Variants in PTCH2 observed in about 807,000 individuals in gnomAD.
PTCH2 encodes the protein patched 2.
Under a neutral mutation model 117.9 loss-of-function variants are expected in PTCH2, and 96 were observed. The ratio of observed to expected loss-of-function variants is 0.81; its 90% confidence interval spans 0.69 to 0.96. The LOEUF is 0.96. Ranked by LOEUF, PTCH2 falls within the 50% of genes least tolerant of loss-of-function variation. The probability of loss-of-function intolerance (pLI) is 0.00; values close to 1 mark genes in which losing one functional copy is unlikely to be tolerated. For missense variants in PTCH2, 1,379 were observed against 1,562.5 expected, an observed-to-expected ratio of 0.88 and a Z score of 1.98; for synonymous variants, 615 against 660.9, an observed-to-expected ratio of 0.93 and a Z score of 1.06.
chr1:44,839,858 G>A (rs908646540), intron 2 of PTCH2, among the ~76,000 whole-genome samples: 2 of 152,148 alleles, frequency 1.3e-5, no homozygotes, highest in African/African-American at 4.8e-5. Context: ...TGGGGATGGC[G>A]TGTGGGAGCT....
At chr1:44,821,870 T>G, downstream of PTCH2, 2 of 1,365,672 alleles carry the variant, frequency 1.5e-6, no homozygotes, top group Non-Finnish European at 2.0e-6. Flanking sequence ...AGAAGCTCCT[T>G]CCAATAGCTA....
At chr1:44,830,769 C>G in intron 6 of PTCH2, 79 bp downstream of exon 6, 1 of 1,412,198 alleles carries the variant, frequency 7.1e-7, no homozygotes, top group Non-Finnish European at 9.5e-7. Context: ...GAGCAGTCAG[C>G]TCCCCCAGAA....
At position 44,841,928 on chromosome 1, in the gene PTCH2, C is replaced by A; in HGVS notation, c.184G>T (p.Gly62Ter). ...GCCAGGGCCCCAAAGGCCAACAGTCCCAGAAAGAGCACTTTGCCACAATGT... is the reference window on the plus strand; with the variant it reads ...GCCAGGGCCCCAAAGGCCAACAGTCACAGAAAGAGCACTTTGCCACAATGT... ...QRHCGKVLFLGLLAFGALALG... is the reference protein window; with the variant it reads ...QRHCGKVLFL Residue 62 changes from glycine (G) to a stop codon, truncating the protein, a stop_gained, in exon 2 of 22, where the codon GGA becomes TGA. Coordinates refer to ENST00000372192, the MANE Select transcript of PTCH2 (RefSeq NM_003738.5). LOFTEE classifies it high-confidence loss of function. 6.2e-7 allele frequency: 1 copy of A among 1,614,214 alleles called. No homozygotes were observed. Among genetic ancestry groups the A allele is most frequent in the South Asian group, 1.1e-5 (1 of 91,090 alleles).
At chr1:44,835,418 T>C (rs1304984521) in intron 2 of PTCH2, among the ~76,000 whole-genome samples, 1 of 152,226 alleles carries the variant, frequency 6.6e-6, no homozygotes, top group Non-Finnish European at 1.5e-5. Context: ...AAAAAGACTC[T>C]ACCTTATAAA....
chr1:44,831,029 A>T lies in PTCH2; in HGVS notation c.632T>A (p.Ile211Asn), dbSNP rs2148879284. ...GSAYLPGRPDIQWTNLDPEQL... is the reference protein window; with the variant it reads ...GSAYLPGRPDNQWTNLDPEQL... Reference sequence around the variant, plus strand: ...CTCTGGATCCAGGTTGGTCCACTGGATATCCGGGCGGCCGCTGAGGGAAAA... The same window carrying T: ...CTCTGGATCCAGGTTGGTCCACTGGTTATCCGGGCGGCCGCTGAGGGAAAA... The change falls in exon 6 of 22, where the codon ATC (isoleucine) becomes AAC (asparagine). Residue 211 changes from isoleucine (I) to asparagine (N), a missense_variant. Coordinates refer to ENST00000372192, the MANE Select transcript of PTCH2 (RefSeq NM_003738.5). This position sits in a 1 kb window ranked among gnomAD's most constrained non-coding sequence, Gnocchi z 4.3. 6.2e-7 allele frequency: 1 copy of T among 1,611,324 alleles called. No individual in the cohort carries two copies. The highest frequency in any genetic ancestry group is 1.1e-5 in the South Asian group (1 of 90,930).
Position 44,831,671 on chromosome 1 carries a change from G to A in PTCH2, c.617+35C>T, listed in dbSNP as rs778955635. 9.9e-6 allele frequency: 15 copies of A among 1,514,710 alleles called. No homozygotes were observed. Among genetic ancestry groups the A allele is most frequent in the African/African-American group, 2.8e-5 (2 of 72,144 alleles). The allele number at this position is 1,514,710 out of a possible 1,614,324, so 93.8% of individuals were successfully genotyped here. A position where few individuals can be genotyped will look rare whatever the true frequency, so the allele number is the denominator to read the frequency against. ...CCTTTCTGCTGGGAGAGTCCCCAGC[G>A]GGAGATGAAGCAGGGCCCCAGGAGT... On this transcript the variant is annotated intron_variant, in intron 5 of 21. Coordinates refer to ENST00000372192, the MANE Select transcript of PTCH2 (RefSeq NM_003738.5). The surrounding 1 kb of genome is among the most constrained non-coding windows in gnomAD (Gnocchi z 4.3).
At chr1:44,839,319 G>A (rs1220520249) in intron 2 of PTCH2, among the ~76,000 whole-genome samples, 10 of 130,594 alleles carry the variant, frequency 7.7e-5, no homozygotes, top group East Asian at 4.7e-4. Flanking sequence ...CCGAGATTGC[G>A]TCACTGCACT....
rs1337695153 is a variant in PTCH2 at position 44,827,465 on chromosome 1, G to A, written c.2308C>T (p.Leu770=). The change falls in exon 15 of 22, where the codon CTG becomes TTG. Residue 770 remains leucine (L), a synonymous_variant. Coordinates refer to ENST00000372192, the MANE Select transcript of PTCH2 (RefSeq NM_003738.5). ...GGTGCCTGGGTGGCCGGTGGGGGCAGCACCGCCTTGAGGGAACTGAAGCGC... is the reference window on the plus strand; with the variant it reads ...GGTGCCTGGGTGGCCGGTGGGGGCAACACCGCCTTGAGGGAACTGAAGCGC... ...HQRFSSLKAV[L]PPPATQAPRT... is the part of the protein sequence containing the mutation. 6.2e-7 allele frequency: 1 copy of A among 1,614,138 alleles called. No homozygotes were observed. The highest frequency in any genetic ancestry group is 8.5e-7 in the Non-Finnish European group (1 of 1,180,010).
At chr1:44,834,473 T>C (rs1653597139) in intron 2 of PTCH2, among the ~76,000 whole-genome samples, 1 of 152,144 alleles carries the variant, frequency 6.6e-6, no homozygotes, top group South Asian at 2.1e-4. Context: ...AGGCCTGTAC[T>C]GCAGTGTTTA....
intron 11 of PTCH2, 136 bp from the exon 12 acceptor site, chr1:44,828,767 C>T (rs191494820): frequency 1.5e-6 from 2 of 1,335,770 alleles, no homozygotes; most frequent in African/African-American, 2.9e-5. Flanking sequence ...TTATTGGGTA[C>T]CATGTACGTA....
chr1:44,828,042 T>C lies in PTCH2; in HGVS notation c.1859A>G (p.Gln620Arg). ...AGAAGGTGGGGGCACCAGGTGGGCTTGGGGAGGCAGGATGGTGACCACATG... is the reference window on the plus strand; with the variant it reads ...AGAAGGTGGGGGCACCAGGTGGGCTCGGGGAGGCAGGATGGTGACCACATG... ...SQHVVTILPP[Q>R]AHLVPPPSDP... Residue 620 changes from glutamine to arginine, a missense_variant, in exon 14 of 22, where the codon CAA (glutamine) becomes CGA (arginine). Coordinates refer to ENST00000372192, the MANE Select transcript of PTCH2 (RefSeq NM_003738.5). 1 of 1,614,074 alleles carries C rather than the reference T, an allele frequency of 6.2e-7. No homozygotes were observed. The highest frequency in any genetic ancestry group is 1.7e-5 in the Admixed American group (1 of 60,020).
intron 2 of PTCH2, among the ~76,000 whole-genome samples, chr1:44,837,257 T>TTATTTATA (rs1653728038): frequency 6.6e-6 from 1 of 152,082 alleles, no homozygotes. Flanking sequence ...TTTAATTTAT[T>TTATTTATA]TATTTATATA....
Position 44,828,035 on chromosome 1 carries a change from G to A in PTCH2, c.1866C>T (p.His622=), listed in dbSNP as rs574623957. The A allele has an allele frequency of 2.8e-5, 45 of 1,614,220 alleles. No homozygotes were observed. In the South Asian group the frequency reaches 3.4e-4, roughly 12 times the overall value. Residue 622 remains histidine (H), a synonymous_variant, in exon 14 of 22, where the codon CAC becomes CAT. Transcript: ENST00000372192. ...HVVTILPPQA[H]LVPPPSDPLG... ...GTGGGTCAGAAGGTGGGGGCACCAG[G>A]TGGGCTTGGGGAGGCAGGATGGTGA...
chr1:44,840,346 C>T (rs986342013), intron 2 of PTCH2, among the ~76,000 whole-genome samples: 5 of 149,930 alleles, frequency 3.3e-5, no homozygotes, highest in Admixed American at 6.6e-5. Flanking sequence ...TTGATCCGCC[C>T]GCCCCGGCCT....
At chr1:44,836,491 C>T (rs1017695620) in intron 2 of PTCH2, among the ~76,000 whole-genome samples, 4 of 152,048 alleles carry the variant, frequency 2.6e-5, no homozygotes, top group Non-Finnish European at 4.4e-5. Context: ...GGGCGGATCA[C>T]GAAGTCAAGA....
In PTCH2 at chr1:44,829,153, G is replaced by A. The variant is rs201185084; in HGVS notation, c.1371+4C>T. The A allele has an allele frequency of 4.7e-5, 76 of 1,613,734 alleles. No individual in the cohort carries two copies. The highest frequency in any genetic ancestry group is 5.4e-5 in the Non-Finnish European group (64 of 1,180,038). ...ACTGAGTCTGCCCTGCAGTCCTGGC[G>A]TACCTGGGTAGTGGCAGCATTGAAG... On this transcript the variant is annotated splice_donor_region_variant and intron_variant, in intron 10 of 21. Coordinates refer to ENST00000372192, the MANE Select transcript of PTCH2 (RefSeq NM_003738.5).
Position 44,842,929 on chromosome 1 carries a change from T to A in PTCH2, c.4A>T (p.Thr2Ser), listed in dbSNP as rs1018272812. Residue 2 changes from threonine to serine, a missense_variant, in exon 1 of 22, where the codon ACT becomes TCT. By Grantham distance (58) the Thr-to-Ser change is moderately conservative. Coordinates refer to ENST00000372192, the MANE Select transcript of PTCH2 (RefSeq NM_003738.5). M[T>S]RSPPLRELPP... ...AGCTCTCTGAGGGGCGGCGATCGAG[T>A]CATGCTGGCGGGGATGGGGGGCGCG... 1 of 1,544,666 alleles carries A rather than the reference T, an allele frequency of 6.5e-7. No homozygotes were observed. The highest frequency in any genetic ancestry group is 1.4e-5 in the African/African-American group (1 of 72,554).
In PTCH2 at chr1:44,830,962, G is replaced by A. The variant is rs987564189; in HGVS notation, c.699C>T (p.Gly233=). Residue 233 remains glycine (G), a synonymous_variant, in exon 6 of 22, where the codon GGC becomes GGT. Transcript: ENST00000372192. ...EELGPFASLE[G]FRELLDKAQV... is the part of the protein sequence containing the mutation. ...GTGCCTTGTCTAGCAGCTCCCGGAA[G>A]CCCTCAAGGGAGGCAAAGGGACCCA... 12 of 1,610,676 alleles carry A rather than the reference G, an allele frequency of 7.5e-6. No individual in the cohort carries two copies. Among genetic ancestry groups the A allele is most frequent in the Non-Finnish European group, 1.0e-5 (12 of 1,177,666 alleles).
chr1:44,820,688 G>T (rs777079047), downstream of PTCH2: 254 of 718,110 alleles, frequency 3.5e-4, 2 homozygotes, highest in South Asian at 2.8e-3. Flanking sequence ...GGAGGCAGAG[G>T]CTAGATCTCC....
Sources: gnomAD v4.1 joint callset for allele counts (sites outside exome capture counted in the v4.1 genomes callset) on GRCh38, gnomAD v4.1.1 for gene constraint, Gnocchi (gnomAD v3.1) non-coding constraint, MANE v1.5 for transcripts, NCBI Gene and HGNC (gene_info 2026-07-23, HGNC 2026-07-21) for gene names.